Variants in CNBD2 observed in about 807,000 individuals in gnomAD.
CNBD2 encodes the protein cyclic nucleotide-binding domain-containing protein 2.
In CNBD2, 64 loss-of-function variants were observed where a neutral mutation model predicts 63.7. That is an observed-to-expected ratio of 1.00 (90% confidence interval 0.82 to 1.24). The LOEUF (loss-of-function observed/expected upper bound fraction) is 1.24. Ranked by LOEUF, CNBD2 falls within the 50% of genes most tolerant of loss-of-function variation. The pLI is 0.00. For missense variants in CNBD2, 691 were observed against 713.5 expected, an observed-to-expected ratio of 0.97 and a Z score of 0.36; for synonymous variants, 229 against 255.4, an observed-to-expected ratio of 0.90 and a Z score of 0.99.
intron 10 of CNBD2, 142 bp downstream of exon 10, chr20:36,011,399 A>T: frequency 8.8e-7 from 1 of 1,141,136 alleles, no homozygotes; most frequent in Non-Finnish European, 1.1e-6. Context: ...AGATGTGATA[A>T]GAATAGGCCG....
At chr20:36,028,821 G>T (rs554046034) in intron 11 of CNBD2, among the ~76,000 whole-genome samples, 1 of 151,950 alleles carries the variant, frequency 6.6e-6, no homozygotes, top group African/African-American at 2.4e-5. Context: ...GATTACAGGC[G>T]TGTGCCACCA....
rs531219996 is a variant in CNBD2 at position 35,960,731 on chromosome 20, C to T, written c.228+2957C>T. Among the ~76,000 whole-genome samples the T allele has an allele frequency of 2.9e-4, 14 of 48,262 alleles. No homozygotes were observed. In the East Asian group the frequency reaches 6.5e-3, roughly 22 times the overall value. The allele number at this position is 48,262 out of a possible 152,430, so 31.7% of individuals were successfully genotyped here. On this transcript the variant is annotated intron_variant, in intron 2 of 4. Transcript: ENST00000622112. ...CTCTTCCCTTCTCTTCCCTTCTCTT[C>T]CCTTCTCTTCCCTTCTCTTCCCTTC...
chr20:36,001,686 G>T (rs1163800651), intron 8 of CNBD2, among the ~76,000 whole-genome samples: 3 of 144,216 alleles, frequency 2.1e-5, no homozygotes, highest in Admixed American at 2.1e-4. Context: ...CAGACGGGGC[G>T]GCCGGGCAGA....
In CNBD2 at chr20:36,008,120, G is replaced by T. The variant is rs12481423; in HGVS notation, c.971-177G>T. Among the ~76,000 whole-genome samples, 1,146 of 152,082 alleles carry T rather than the reference G, an allele frequency of 7.5e-3. 23 individuals carry two copies. Among genetic ancestry groups the T allele is most frequent in the East Asian group, 0.054 (280 of 5,170 alleles). ...ATGTAAAGGCTCTAGCGCAGGGCCT[G>T]CCACCCAGGGACATTACATGGAGGC... is the stretch of plus-strand genomic sequence containing the variant. On this transcript the variant is annotated intron_variant, in intron 8 of 11. Coordinates refer to ENST00000373973, the MANE Select transcript of CNBD2 (RefSeq NM_001365709.1).
chr20:36,025,770 CTG>C (rs2057275574), intron 11 of CNBD2, among the ~76,000 whole-genome samples: 1 of 151,948 alleles, frequency 6.6e-6, no homozygotes, highest in Non-Finnish European at 1.5e-5. Flanking sequence ...GGTCTCAAAA[CTG>C]TTTCCATCTC....
chr20:35,997,089 C>T (rs2056835305), intron 8 of CNBD2, among the ~76,000 whole-genome samples: 1 of 152,170 alleles, frequency 6.6e-6, no homozygotes, highest in Non-Finnish European at 1.5e-5. Flanking sequence ...ATTCACAGCT[C>T]TGTAATGGCA....
At chr20:35,984,539 G>C in intron 5 of CNBD2, 88 bp from the exon 6 acceptor site, 1 of 1,394,366 alleles carries the variant, frequency 7.2e-7, no homozygotes, top group Non-Finnish European at 9.9e-7. Flanking sequence ...AATTCAGGGG[G>C]AAGATGGAGG....
rs1330786683 is a variant in CNBD2, at chr20:36,025,019, T to A, written c.1439+1248T>A. On this transcript the variant is annotated intron_variant, in intron 11 of 11. Transcript: ENST00000373973. ...AGAAAAACAATGACAACAACATTGA[T>A]GTGTGCCACACTAAGGGGATAGTTT... Among the ~76,000 whole-genome samples, 3 of 152,354 alleles carry A rather than the reference T, an allele frequency of 2.0e-5. No individual in the cohort carries two copies. The East Asian group carries it at 5.8e-4, about 29-fold the overall frequency.
At chr20:36,010,189 T>TC (rs1475859226) in intron 9 of CNBD2, among the ~76,000 whole-genome samples, 1 of 151,872 alleles carries the variant, frequency 6.6e-6, no homozygotes, top group African/African-American at 2.4e-5. Flanking sequence ...CACAGCCCCC[T>TC]CCCCCTGCTA....
chr20:35,970,790 A>G (rs1016797093), intron 1 of CNBD2, among the ~76,000 whole-genome samples: 1 of 152,098 alleles, frequency 6.6e-6, no homozygotes, highest in Non-Finnish European at 1.5e-5. Flanking sequence ...ATCATAGCTC[A>G]TTGCAACCTT....
intron 3 of CNBD2, among the ~76,000 whole-genome samples, 178 bp downstream of exon 3, chr20:35,976,180 T>C (rs2056516033): frequency 6.6e-6 from 1 of 152,190 alleles, no homozygotes; most frequent in Admixed American, 6.5e-5. Flanking sequence ...TCTCAGTGAT[T>C]CCTTCCAGCC....
At chr20:35,968,148 A>G (rs76265884), upstream of CNBD2, among the ~76,000 whole-genome samples, 10,428 of 152,232 alleles carry the variant, frequency 0.069, 632 homozygotes, top group African/African-American at 0.17. Flanking sequence ...ACCCACTTTC[A>G]ATCACATGCA....
At chr20:35,994,414 G>T (rs1431299323) in intron 7 of CNBD2, among the ~76,000 whole-genome samples, 1 of 149,958 alleles carries the variant, frequency 6.7e-6, no homozygotes, top group Non-Finnish European at 1.5e-5. Context: ...TGCCATGTTG[G>T]CCAGGCTGGT....
chr20:36,030,470 G>C lies in CNBD2; in HGVS notation c.1553G>C (p.Arg518Pro). Residue 518 changes from arginine to proline, a missense_variant, in exon 12 of 12, where the codon CGG becomes CCG. Physicochemically the swap from Arg to Pro is moderately radical, Grantham distance 103 (BLOSUM62 -2). Transcript: ENST00000373973. ...CAAAGTCAACTGTTCACTCCAAACCGGCCCAAGAAGAGAGAGATCTACAAC... is the reference window on the plus strand; with the variant it reads ...CAAAGTCAACTGTTCACTCCAAACCCGCCCAAGAAGAGAGAGATCTACAAC... ...PCQSQLFTPN[R>P]PKKREIYNPK... 2 of 1,613,908 alleles carry C rather than the reference G, an allele frequency of 1.2e-6. No individual in the cohort carries two copies. The highest frequency in any genetic ancestry group is 8.5e-7 in the Non-Finnish European group (1 of 1,179,968).
chr20:36,028,838 G>T (rs945963026), intron 11 of CNBD2, among the ~76,000 whole-genome samples: 7 of 152,030 alleles, frequency 4.6e-5, no homozygotes, highest in Admixed American at 1.3e-4. Flanking sequence ...ACCACACCTG[G>T]CTAATTTTTG....
At chr20:35,958,394 T>C (rs974638471), downstream of CNBD2, among the ~76,000 whole-genome samples, 1 of 152,206 alleles carries the variant, frequency 6.6e-6, no homozygotes, top group African/African-American at 2.4e-5. Flanking sequence ...ATCGTGCCAC[T>C]GCACTCCAGC....
intron 11 of CNBD2, among the ~76,000 whole-genome samples, chr20:36,027,576 C>T (rs574843377): frequency 7.2e-5 from 11 of 152,070 alleles, no homozygotes; most frequent in Non-Finnish European, 1.2e-4. Flanking sequence ...GCATGACTAA[C>T]TTACTAACTG....
At chr20:35,999,743 T>C (rs2056871841) in intron 8 of CNBD2, among the ~76,000 whole-genome samples, 1 of 151,744 alleles carries the variant, frequency 6.6e-6, no homozygotes, top group African/African-American at 2.4e-5. Flanking sequence ...AATGGCACGA[T>C]CTCGGCTCAC....
intron 4 of CNBD2, among the ~76,000 whole-genome samples, chr20:35,983,248 C>T (rs151314397): frequency 3.3e-5 from 5 of 152,006 alleles, no homozygotes; most frequent in Admixed American, 2.0e-4. Context: ...GATTAACAGG[C>T]GTGTGCCACC....
Sources: gnomAD v4.1 joint callset for allele counts (sites outside exome capture counted in the v4.1 genomes callset) on GRCh38, gnomAD v4.1.1 for gene constraint, MANE v1.5 for transcripts, NCBI Gene and HGNC (gene_info 2026-07-23, HGNC 2026-07-21) for gene names.